GTSE1: variants seen among roughly 807,000 people sequenced by gnomAD.
The protein encoded by GTSE1 is G2 and S-phase expressed 1.
GTSE1 carries 52 observed loss-of-function variants against 60.5 expected under a neutral mutation model. The observed-to-expected ratio is 0.86, with a 90% CI of 0.69 to 1.08. GTSE1 has a LOEUF of 1.08. Among genes scored for constraint, GTSE1 ranks in the 50% least tolerant of loss-of-function variants. The pLI, the probability that GTSE1 is intolerant of heterozygous loss-of-function variation, is 0.00. For missense variants in GTSE1, 937 were observed against 961.8 expected, an observed-to-expected ratio of 0.97 and a Z score of 0.34; for synonymous variants, 368 against 386.5, an observed-to-expected ratio of 0.95 and a Z score of 0.56.
intron 2 of GTSE1, among the ~76,000 whole-genome samples, chr22:46,307,009 G>C (rs994962903): frequency 3.3e-5 from 5 of 152,236 alleles, no homozygotes; most frequent in Non-Finnish European, 7.3e-5. Flanking sequence ...ACAGAGGCTA[G>C]TGCAGTGGTA....
Position 46,319,993 on chromosome 22 carries a change from AAAAGAAAG to A in GTSE1, c.1433-3185_1433-3178del, listed in dbSNP as rs1195865062. Reference sequence around the variant, plus strand: ...GAACGAGACTGTCTCAAAAAAAAAAAAAAGAAAGAAAGAAAGAAAAGAAATGCGAGCTG... The same window carrying A: ...GAACGAGACTGTCTCAAAAAAAAAAAAAAGAAAGAAAAGAAATGCGAGCTG... On this transcript the variant is annotated intron_variant, in intron 7 of 11. Coordinates refer to ENST00000454366, the MANE Select transcript of GTSE1 (RefSeq NM_016426.7). The surrounding 1 kb of genome is among the most constrained non-coding windows in gnomAD (Gnocchi z 5.0). Among the ~76,000 whole-genome samples, 2 of 150,926 alleles carry A rather than the reference AAAAGAAAG, an allele frequency of 1.3e-5. No individual in the cohort carries two copies. The highest frequency in any genetic ancestry group is 3.9e-4 in the East Asian group (2 of 5,180).
chr22:46,303,148 C>T (rs888657206), intron 2 of GTSE1, among the ~76,000 whole-genome samples: 5 of 152,184 alleles, frequency 3.3e-5, no homozygotes, highest in South Asian at 2.1e-4. Context: ...GATCCACCCT[C>T]CTCGGCCTCC....
intron 9 of GTSE1, among the ~76,000 whole-genome samples, chr22:46,327,634 C>A (rs1385127179): frequency 6.6e-6 from 1 of 152,126 alleles, no homozygotes; most frequent in Middle Eastern, 3.2e-3. Context: ...AAGATCGCAC[C>A]ACTGCACTCC....
rs778559566 is a variant in GTSE1, at chr22:46,313,166, TAAAA to T, written c.928-707_928-704del. Among the ~76,000 whole-genome samples, 4 of 82,200 alleles carry T rather than the reference TAAAA, an allele frequency of 4.9e-5. No individual in the cohort carries two copies. The highest frequency in any genetic ancestry group is 4.3e-5 in the African/African-American group (1 of 23,070). The allele number at this position is 82,200 out of a possible 152,430, so 53.9% of individuals were successfully genotyped here. A position where few individuals can be genotyped will look rare whatever the true frequency, so the allele number is the denominator to read the frequency against. On this transcript the variant is annotated intron_variant, in intron 5 of 11. Transcript: ENST00000454366. This position sits in a 1 kb window ranked among gnomAD's most constrained non-coding sequence, Gnocchi z 4.4. Reference sequence around the variant, plus strand: ...CTGGGCAACAGAGTGAGACCCTGTCTAAAAAAAAAAAAAAAAAAAAGGAAAAGAA... The same window carrying T: ...CTGGGCAACAGAGTGAGACCCTGTCTAAAAAAAAAAAAAAAAGGAAAAGAA...
At position 46,329,625 on chromosome 22, in the gene GTSE1, T is replaced by C. The variant is rs1323360400; in HGVS notation, c.2136+58T>C. The stretch of plus-strand genomic sequence containing the variant: ...GCCCTGGGTGTCCTCAGTTCTGGGA[T>C]TGTTCATCCTCCCAGGGCCATCGTG... On this transcript the variant is annotated intron_variant, in intron 11 of 11. Coordinates refer to ENST00000454366, the MANE Select transcript of GTSE1 (RefSeq NM_016426.7). This position sits in a 1 kb window ranked among gnomAD's most constrained non-coding sequence, Gnocchi z 6.4. 1 of 1,371,494 alleles carries C rather than the reference T, an allele frequency of 7.3e-7. No individual in the cohort carries two copies. Among genetic ancestry groups the C allele is most frequent in the African/African-American group, 1.4e-5 (1 of 70,172 alleles). 85.0% of individuals were successfully genotyped at this position (1,371,494 alleles called of 1,614,324 possible). A position where few individuals can be genotyped will look rare whatever the true frequency, so the allele number is the denominator to read the frequency against.
At chr22:46,323,382 CTTG>C (rs1669705663) in intron 8 of GTSE1, 120 bp downstream of exon 8, 1 of 790,360 alleles carries the variant, frequency 1.3e-6, no homozygotes, top group Admixed American at 1.8e-5. Context: ...ACGCCAGTCT[CTTG>C]GGTGCAGGCC....
rs767444458 is a variant in GTSE1, at chr22:46,330,008, C to T, written c.2137-39C>T. 29 of 1,260,260 alleles carry T rather than the reference C, an allele frequency of 2.3e-5. 1 individual carries two copies. The highest frequency in any genetic ancestry group is 3.4e-5 in the Admixed American group (2 of 59,532). The allele number at this position is 1,260,260 out of a possible 1,614,324, so 78.1% of individuals were successfully genotyped here. ...CAGGGAGGGGAAGGGAGGCCCTAGC[C>T]GGATCCACGCTCACCTCCTCCACTC... On this transcript the variant is annotated intron_variant, in intron 11 of 11. Transcript: ENST00000454366. The surrounding 1 kb of genome is among the most constrained non-coding windows in gnomAD (Gnocchi z 6.0).
chr22:46,308,603 C>T lies in GTSE1; in HGVS notation c.422C>T (p.Ser141Leu). The change falls in exon 4 of 12, where the codon TCA becomes TTA. Residue 141 changes from serine (S) to leucine (L), a missense_variant. Physicochemically the swap from Ser to Leu is moderately radical, Grantham distance 145. Coordinates refer to ENST00000454366, the MANE Select transcript of GTSE1 (RefSeq NM_016426.7). Reference protein sequence around the residue: ...SQGVERFIQESKLKINLFEKE... With the variant: ...SQGVERFIQELKLKINLFEKE... Reference sequence around the variant, plus strand: ...GGCGTGGAAAGATTCATACAGGAGTCAAAATTAAAAATAAACCTCTTTGAG... The same window carrying T: ...GGCGTGGAAAGATTCATACAGGAGTTAAAATTAAAAATAAACCTCTTTGAG... 6.2e-7 allele frequency: 1 copy of T among 1,614,028 alleles called. No homozygotes were observed. The highest frequency in any genetic ancestry group is 8.5e-7 in the Non-Finnish European group (1 of 1,179,996).
At chr22:46,302,622 A>G (rs779889168) in intron 2 of GTSE1, among the ~76,000 whole-genome samples, 2 of 152,152 alleles carry the variant, frequency 1.3e-5, no homozygotes, top group African/African-American at 2.4e-5. Context: ...TCAGCCTCCC[A>G]AAGTGCTGGG....
intron 2 of GTSE1, among the ~76,000 whole-genome samples, chr22:46,300,987 TC>T (rs2077686232): frequency 6.6e-6 from 1 of 152,202 alleles, no homozygotes; most frequent in Non-Finnish European, 1.5e-5. Flanking sequence ...GAGTGTTGCA[TC>T]CCCCTTTCCA....
rs190556575 is a variant in GTSE1 at position 46,321,846 on chromosome 22, G to A, written c.1433-1344G>A. 1.3e-5 allele frequency among the ~76,000 whole-genome samples: 2 copies of A among 152,198 alleles called. No individual in the cohort carries two copies. The highest frequency in any genetic ancestry group is 1.9e-4 in the East Asian group (1 of 5,174). On this transcript the variant is annotated intron_variant, in intron 7 of 11. Coordinates refer to ENST00000454366, the MANE Select transcript of GTSE1 (RefSeq NM_016426.7). This position sits in a 1 kb window ranked among gnomAD's most constrained non-coding sequence, Gnocchi z 4.0. ...TCCCAGCACTTTGGGAGGCCGAGGC[G>A]GGCAATCACTTGAGGTCAGGAGTTC...
chr22:46,316,241 C>T lies in GTSE1; in HGVS notation c.1261C>T (p.Pro421Ser), dbSNP rs145136754. 137 of 1,613,692 alleles carry T rather than the reference C, an allele frequency of 8.5e-5. No individual in the cohort carries two copies. Among genetic ancestry groups the T allele is most frequent in the Non-Finnish European group, 1.1e-4 (132 of 1,180,008 alleles). Reference sequence around the variant, plus strand: ...ACCCCCCTCAGCATCCCCCACCCAACCCCAGACTCCGGAAGGTGGCGGCCA... The same window carrying T: ...ACCCCCCTCAGCATCCCCCACCCAATCCCAGACTCCGGAAGGTGGCGGCCA... ...TAPPSASPTQPQTPEGGGQWL... is the reference protein window; with the variant it reads ...TAPPSASPTQSQTPEGGGQWL... The change falls in exon 7 of 12, where the codon CCC (proline) becomes TCC (serine). Residue 421 changes from proline to serine, a missense_variant. Transcript: ENST00000454366. The surrounding 1 kb of genome is among the most constrained non-coding windows in gnomAD (Gnocchi z 5.0).
rs1339259628 is a variant in GTSE1, at chr22:46,321,146, C to A, written c.1433-2044C>A. On this transcript the variant is annotated intron_variant, in intron 7 of 11. Transcript: ENST00000454366. This position sits in a 1 kb window ranked among gnomAD's most constrained non-coding sequence, Gnocchi z 4.0. Reference sequence around the variant, plus strand: ...CGGGGTCAGTGACCCAAGAATGTTCCCAAAAGACAGGGATTATGGGATGAC... The same window carrying A: ...CGGGGTCAGTGACCCAAGAATGTTCACAAAAGACAGGGATTATGGGATGAC... Among the ~76,000 whole-genome samples the A allele has an allele frequency of 4.6e-5, 7 of 152,018 alleles. No homozygotes were observed.
In GTSE1 at chr22:46,324,137, G is replaced by A. The variant is rs1337996291; in HGVS notation, c.1505+875G>A. ...CTTGCAAGTCTTTTGGTGACTCTGGGCTTTAGTTTCCTCCTGTGTGAGCTT... is the reference window on the plus strand; with the variant it reads ...CTTGCAAGTCTTTTGGTGACTCTGGACTTTAGTTTCCTCCTGTGTGAGCTT... On this transcript the variant is annotated intron_variant, in intron 8 of 11. Coordinates refer to ENST00000454366, the MANE Select transcript of GTSE1 (RefSeq NM_016426.7). This position sits in a 1 kb window ranked among gnomAD's most constrained non-coding sequence, Gnocchi z 5.2. Among the ~76,000 whole-genome samples, 1 of 152,170 alleles carries A rather than the reference G, an allele frequency of 6.6e-6. No individual in the cohort carries two copies. Among genetic ancestry groups the A allele is most frequent in the Non-Finnish European group, 1.5e-5 (1 of 68,042 alleles).
chr22:46,300,296 C>T (rs1441282217), intron 2 of GTSE1, among the ~76,000 whole-genome samples: 2 of 152,064 alleles, frequency 1.3e-5, no homozygotes, highest in East Asian at 3.9e-4. Context: ...CGGGGTTTCA[C>T]CATGTTGGTC....
In GTSE1 at chr22:46,318,624, C is replaced by G. The variant is rs554847580; in HGVS notation, c.1432+2212C>G. Among the ~76,000 whole-genome samples the G allele has an allele frequency of 6.6e-6, 1 of 152,048 alleles. No homozygotes were observed. Among genetic ancestry groups the G allele is most frequent in the Non-Finnish European group, 1.5e-5 (1 of 68,024 alleles). ...AGGTGACACGGGACTGAGATCTGAA[C>G]CAGGAGACTGAGGCAGCCGGTAGGA... On this transcript the variant is annotated intron_variant, in intron 7 of 11. Coordinates refer to ENST00000454366, the MANE Select transcript of GTSE1 (RefSeq NM_016426.7). This position sits in a 1 kb window ranked among gnomAD's most constrained non-coding sequence, Gnocchi z 4.8.
rs747978557 is a variant in GTSE1 at position 46,321,129 on chromosome 22, G to A, written c.1433-2061G>A. Among the ~76,000 whole-genome samples, 1 of 152,142 alleles carries A rather than the reference G, an allele frequency of 6.6e-6. No homozygotes were observed. Among genetic ancestry groups the A allele is most frequent in the Non-Finnish European group, 1.5e-5 (1 of 68,022 alleles). ...GACCTCTGTGAATGGTGCGGGGTCA[G>A]TGACCCAAGAATGTTCCCAAAAGAC... On this transcript the variant is annotated intron_variant, in intron 7 of 11. Transcript: ENST00000454366. The surrounding 1 kb of genome is among the most constrained non-coding windows in gnomAD (Gnocchi z 4.0).
chr22:46,308,410 G>A lies in GTSE1; in HGVS notation c.229G>A (p.Glu77Lys), dbSNP rs754357061. 9.3e-6 allele frequency: 15 copies of A among 1,614,022 alleles called. No individual in the cohort carries two copies. The highest frequency in any genetic ancestry group is 1.6e-4 in the Middle Eastern group (1 of 6,084). The part of the protein sequence containing the change: ...ASLELNNPVP[E>K]QPPLPTSESP... ...CTTGGAATTAAATAATCCGGTTCCC[G>A]AACAGCCTCCGTTGCCCACATCTGA... Residue 77 changes from glutamate (E) to lysine (K), a missense_variant, in exon 4 of 12, where the codon GAA (glutamate) becomes AAA (lysine). Coordinates refer to ENST00000454366, the MANE Select transcript of GTSE1 (RefSeq NM_016426.7).
intron 2 of GTSE1, among the ~76,000 whole-genome samples, chr22:46,298,617 C>G (rs979707667): frequency 1.3e-5 from 2 of 152,194 alleles, no homozygotes; most frequent in Non-Finnish European, 2.9e-5. Flanking sequence ...CCCAAGCATC[C>G]TCAATGCCTC....
Sources: allele counts gnomAD v4.1 joint callset (sites outside exome capture counted in the v4.1 genomes callset), GRCh38; gene constraint gnomAD v4.1.1; non-coding constraint Gnocchi (gnomAD v3.1); transcripts MANE v1.5; gene names NCBI Gene and HGNC (gene_info 2026-07-23, HGNC 2026-07-21).